FILIP1L: variants seen among roughly 807,000 people sequenced by gnomAD.
The protein encoded by FILIP1L is filamin A interacting protein 1 like, also known as filamin A-interacting protein 1-like.
In FILIP1L, 55 loss-of-function variants were observed where a neutral mutation model predicts 96.6. The ratio of observed to expected loss-of-function variants is 0.57; its 90% confidence interval spans 0.46 to 0.71. The LOEUF (loss-of-function observed/expected upper bound fraction) is 0.71. FILIP1L is among the 30% of genes least tolerant of loss of function. The pLI is 0.00. For synonymous variants in FILIP1L, 467 were observed against 473.9 expected, an observed-to-expected ratio of 0.99 and a Z score of 0.19; for missense variants, 1,304 against 1,321.2, an observed-to-expected ratio of 0.99 and a Z score of 0.20.
At chr3:99,897,347 G>A (rs1345631473) in intron 4 of FILIP1L, among the ~76,000 whole-genome samples, 3 of 151,778 alleles carry the variant, frequency 2.0e-5, no homozygotes, top group Admixed American at 6.6e-5. Context: ...CCAGCCTGGG[G>A]GACAAGAGCT....
chr3:100,095,845 G>A (rs561268530), intron 1 of FILIP1L, among the ~76,000 whole-genome samples: 4 of 152,028 alleles, frequency 2.6e-5, no homozygotes, highest in African/African-American at 7.2e-5. Flanking sequence ...CCCACAGAAC[G>A]GGAGAAAATA....
Position 99,849,319 on chromosome 3 carries a change from T to C in FILIP1L, c.2357A>G (p.Asn786Ser), listed in dbSNP as rs1943537846. ...HFSKSLRPSL[N>S]GRRISDPQVF... is the part of the protein sequence containing the mutation. The stretch of plus-strand genomic sequence containing the variant: ...TTGAGGATCGGAAATTCTTCTTCCA[T>C]TGAGACTAGGCCTGAGGCTCTTACT... The change falls in exon 5 of 6, where the codon AAT (asparagine) becomes AGT (serine). Residue 786 changes from asparagine to serine, a missense_variant. Physicochemically the swap from Asn to Ser is conservative, Grantham distance 46. Coordinates refer to ENST00000477258, the MANE Select transcript of FILIP1L (RefSeq NM_001387850.1). 3.1e-6 allele frequency: 5 copies of C among 1,614,186 alleles called. No individual in the cohort carries two copies. Among genetic ancestry groups the C allele is most frequent in the Non-Finnish European group, 4.2e-6 (5 of 1,180,014 alleles).
rs558007162 is a variant in FILIP1L, at chr3:99,898,941, A to G, written c.605+25289T>C. ...CTAATCGAAGTTTAGCTTTATTTCA[A>G]ACTACTCTCTTATTAGATACTTATT... On this transcript the variant is annotated intron_variant, in intron 4 of 5. Transcript: ENST00000477258. Among the ~76,000 whole-genome samples the G allele has an allele frequency of 3.4e-4, 52 of 152,278 alleles. No individual in the cohort carries two copies. In the South Asian group the frequency reaches 8.9e-3, roughly 26 times the overall value.
intron 3 of FILIP1L, among the ~76,000 whole-genome samples, chr3:99,929,102 C>T (rs1436084513): frequency 1.3e-5 from 2 of 152,084 alleles, no homozygotes; most frequent in African/African-American, 4.8e-5. Flanking sequence ...TGTTTCTTTT[C>T]TATAAAAATG....
At chr3:100,014,898 T>TTTTTTTTTTTTTTTTTTTTTTC (rs1710291087) in intron 1 of FILIP1L, among the ~76,000 whole-genome samples, 1 of 110,398 alleles carries the variant, frequency 9.1e-6, no homozygotes, top group Non-Finnish European at 2.0e-5. Context: ...TTTCTTTCTT[T>TTTTTTTTTTTTTTTTTTTTTTC]TTTTTTTTTT....
intron 1 of FILIP1L, among the ~76,000 whole-genome samples, chr3:99,936,970 T>C (rs528767819): frequency 1.3e-5 from 2 of 152,274 alleles, no homozygotes; most frequent in Non-Finnish European, 2.9e-5. Flanking sequence ...GGAGTTTTGC[T>C]CTTGTTACTC....
chr3:99,948,772 AAAAG>A (rs1357956931), intron 1 of FILIP1L, among the ~76,000 whole-genome samples: 3 of 149,854 alleles, frequency 2.0e-5, no homozygotes, highest in Admixed American at 1.3e-4. Flanking sequence ...GAAGGAAAGA[AAAAG>A]AGAAAGGAAA....
chr3:100,037,368 TA>T (rs1397575761), intron 1 of FILIP1L, among the ~76,000 whole-genome samples: 1 of 152,074 alleles, frequency 6.6e-6, no homozygotes, highest in African/African-American at 2.4e-5. Context: ...GGGTGAAGGG[TA>T]AAAGATTTTT....
intron 4 of FILIP1L, among the ~76,000 whole-genome samples, chr3:99,879,716 A>T (rs1403281996): frequency 6.6e-6 from 1 of 152,226 alleles, no homozygotes; most frequent in African/African-American, 2.4e-5. Flanking sequence ...TGAGATGGTA[A>T]TGCTAACTTT....
chr3:99,933,277 A>G (rs998010646), intron 1 of FILIP1L, among the ~76,000 whole-genome samples: 27 of 152,200 alleles, frequency 1.8e-4, no homozygotes, highest in Non-Finnish European at 2.2e-4. Context: ...CTATTTACAA[A>G]TACGGTATAG....
intron 1 of FILIP1L, among the ~76,000 whole-genome samples, chr3:100,062,457 A>T (rs1196551931): frequency 6.6e-6 from 1 of 151,774 alleles, no homozygotes. Flanking sequence ...TTAAGCCTTA[A>T]CTTCATTACT....
chr3:99,892,810 C>A (rs1576552608), intron 4 of FILIP1L, among the ~76,000 whole-genome samples: 1 of 152,330 alleles, frequency 6.6e-6, no homozygotes, highest in Non-Finnish European at 1.5e-5. Flanking sequence ...GCTTATAAAT[C>A]AATCAGATTT....
chr3:100,110,130 T>C (rs1385969480), intron 1 of FILIP1L: 1 of 152,054 alleles, frequency 6.6e-6, no homozygotes, highest in African/African-American at 2.4e-5. Flanking sequence ...AATGCAATAA[T>C]AAGTTTTAAA....
chr3:99,986,271 C>T (rs1709339626), intron 1 of FILIP1L, among the ~76,000 whole-genome samples: 2 of 152,066 alleles, frequency 1.3e-5, no homozygotes, highest in South Asian at 4.1e-4. Flanking sequence ...TGGGATATGT[C>T]CCAGGAACAG....
intron 1 of FILIP1L, among the ~76,000 whole-genome samples, chr3:99,990,091 G>C (rs1231160466): frequency 1.3e-5 from 2 of 152,094 alleles, no homozygotes; most frequent in African/African-American, 2.4e-5. Context: ...GTTTGAGAAA[G>C]AGAAATATAT....
intron 4 of FILIP1L, among the ~76,000 whole-genome samples, chr3:99,883,537 G>A (rs1342141633): frequency 6.6e-6 from 1 of 152,068 alleles, no homozygotes; most frequent in African/African-American, 2.4e-5. Flanking sequence ...GGGGGGTGTT[G>A]TATAAACAGA....
chr3:100,113,174 GA>G, intron 1 of FILIP1L, among the ~76,000 whole-genome samples: 1 of 152,258 alleles, frequency 6.6e-6, no homozygotes, highest in Non-Finnish European at 1.5e-5. Flanking sequence ...AAAGAAAAAA[GA>G]ATAACTGAAT....
intron 1 of FILIP1L, among the ~76,000 whole-genome samples, chr3:99,933,093 T>C (rs1336820770): frequency 6.6e-6 from 1 of 152,192 alleles, no homozygotes; most frequent in African/African-American, 2.4e-5. Context: ...TATTGAAGGT[T>C]GCACAGCTAA....
intron 1 of FILIP1L, among the ~76,000 whole-genome samples, chr3:100,103,806 T>A (rs773348643): frequency 6.6e-6 from 1 of 152,194 alleles, no homozygotes; most frequent in Non-Finnish European, 1.5e-5. Context: ...TGCATTAAGA[T>A]AAATCTGTCT....
Sources: allele counts gnomAD v4.1 joint callset (sites outside exome capture counted in the v4.1 genomes callset), GRCh38; gene constraint gnomAD v4.1.1; transcripts MANE v1.5; gene names NCBI Gene and HGNC (gene_info 2026-07-23, HGNC 2026-07-21).